STK17B: variants seen among roughly 807,000 people sequenced by gnomAD.
STK17B encodes serine/threonine-protein kinase 17B.
STK17B carries 21 observed loss-of-function variants against 42.0 expected under a neutral mutation model. The observed-to-expected ratio is 0.50, with a 90% CI of 0.35 to 0.72. The LOEUF is 0.72. STK17B is among the 30% of genes least tolerant of loss of function. The probability of loss-of-function intolerance (pLI) is 0.00; values close to 1 mark genes in which losing one functional copy is unlikely to be tolerated. For synonymous variants in STK17B, 143 were observed against 148.4 expected, an observed-to-expected ratio of 0.96 and a Z score of 0.26; for missense variants, 349 against 446.0, an observed-to-expected ratio of 0.78 and a Z score of 1.96.
chr2:196,146,139 C>T (rs1316559473), intron 3 of STK17B, 84 bp from the exon 4 acceptor site: 5 of 1,336,292 alleles, frequency 3.7e-6, no homozygotes, highest in Non-Finnish European at 5.0e-6. Context: ...AAGTAAAAGA[C>T]ATACAACTAT....
At chr2:196,141,967 C>G (rs867297954) in intron 5 of STK17B, among the ~76,000 whole-genome samples, 1 of 152,102 alleles carries the variant, frequency 6.6e-6, no homozygotes, top group African/African-American at 2.4e-5. Flanking sequence ...GCATTATTTT[C>G]TTAGATTAAT....
At chr2:196,149,728 A>T (rs1182443943) in intron 3 of STK17B, among the ~76,000 whole-genome samples, 1 of 152,228 alleles carries the variant, frequency 6.6e-6, no homozygotes, top group African/African-American at 2.4e-5. Flanking sequence ...GCACAGACCA[A>T]AAAATAAGAA....
chr2:196,164,906 T>C (rs1206439984), intron 1 of STK17B, among the ~76,000 whole-genome samples: 1 of 152,214 alleles, frequency 6.6e-6, no homozygotes, highest in Non-Finnish European at 1.5e-5. Flanking sequence ...CTAACTAGTT[T>C]TGGGGTACAT....
intron 5 of STK17B, 142 bp from the exon 6 acceptor site, chr2:196,141,439 C>A: frequency 1.6e-6 from 1 of 624,602 alleles, no homozygotes; most frequent in Non-Finnish European, 2.8e-6. Context: ...GCAGGCAGAT[C>A]ACCTGAGATC....
rs140675475 is a variant in STK17B at position 196,163,378 on chromosome 2, C to T, written c.6G>A (p.Ser2=). The stretch of plus-strand genomic sequence containing the variant: ...TACTTCGGCAATCAAATCTCCTCCT[C>T]GACATGTTAGGTGATTCCCAGGTCT... M[S]RRRFDCRSIS... The change falls in exon 2 of 8, where the codon TCG becomes TCA. Residue 2 remains serine (S), a synonymous_variant. Coordinates refer to ENST00000263955, the MANE Select transcript of STK17B (RefSeq NM_004226.4). 1.1e-4 allele frequency: 179 copies of T among 1,592,540 alleles called. No individual in the cohort carries two copies. The highest frequency in any genetic ancestry group is 2.0e-4 in the Middle Eastern group (1 of 5,046).
chr2:196,169,940 T>C (rs1313608779), intron 1 of STK17B, among the ~76,000 whole-genome samples: 2 of 151,828 alleles, frequency 1.3e-5, no homozygotes, highest in Non-Finnish European at 2.9e-5. Flanking sequence ...AAATAAAACA[T>C]CTATTAATAC....
rs1322041755 is a variant in STK17B, at chr2:196,135,000, T to G, written c.*2447A>C. On this transcript the variant is annotated 3_prime_UTR_variant, in exon 8 of 8. Transcript: ENST00000263955. The stretch of plus-strand genomic sequence containing the variant: ...AAAGAGTGGATTTTTATATTCTTTG[T>G]GCAATCACTAGTTGCTTTTTTACTA... 1 of 152,218 alleles carries G rather than the reference T, an allele frequency of 6.6e-6. No individual in the cohort carries two copies. The highest frequency in any genetic ancestry group is 1.5e-5 in the Non-Finnish European group (1 of 68,034). The allele number at this position is 152,218 out of a possible 1,614,324, so 9.4% of individuals were successfully genotyped here. A position where few individuals can be genotyped will look rare whatever the true frequency, so the allele number is the denominator to read the frequency against.
intron 3 of STK17B, among the ~76,000 whole-genome samples, chr2:196,152,773 G>A (rs996842082): frequency 2.0e-5 from 3 of 152,122 alleles, no homozygotes; most frequent in Admixed American, 2.0e-4. Flanking sequence ...ATACAAGTTT[G>A]CTTATATATG....
intron 3 of STK17B, among the ~76,000 whole-genome samples, chr2:196,146,340 C>G (rs538930299): frequency 6.6e-6 from 1 of 151,942 alleles, no homozygotes; most frequent in Non-Finnish European, 1.5e-5. Context: ...AACATCTCTA[C>G]TAAAAACACA....
chr2:196,139,587 T>C (rs1699462894), intron 7 of STK17B, 33 bp downstream of exon 7: 1 of 1,287,030 alleles, frequency 7.8e-7, no homozygotes, highest in Non-Finnish European at 1.0e-6. Flanking sequence ...ACAAATTAAA[T>C]TTGTAATAGT....
At chr2:196,171,604 T>A (rs1356518864), upstream of STK17B, 9 of 151,694 alleles carry the variant, frequency 5.9e-5, no homozygotes, top group Non-Finnish European at 1.5e-5. Flanking sequence ...GTCTGGGGCA[T>A]CGCCGTTCGC....
At chr2:196,157,880 T>C (rs946212973) in intron 2 of STK17B, among the ~76,000 whole-genome samples, 1 of 152,178 alleles carries the variant, frequency 6.6e-6, no homozygotes, top group Non-Finnish European at 1.5e-5. Context: ...GGGAAATTAA[T>C]AAAAGCTATT....
chr2:196,140,522 A>G (rs1158132873), intron 6 of STK17B, among the ~76,000 whole-genome samples: 3 of 150,644 alleles, frequency 2.0e-5, no homozygotes, highest in Non-Finnish European at 4.4e-5. Context: ...TCATAAAAGT[A>G]CATTTTTGGG....
At chr2:196,169,185 T>C (rs1236113789) in intron 1 of STK17B, among the ~76,000 whole-genome samples, 1 of 151,160 alleles carries the variant, frequency 6.6e-6, no homozygotes, top group Non-Finnish European at 1.5e-5. Flanking sequence ...AAGCAACTCT[T>C]CTGCCTCAGC....
chr2:196,148,504 T>C (rs1207588616), intron 3 of STK17B, among the ~76,000 whole-genome samples: 1 of 152,204 alleles, frequency 6.6e-6, no homozygotes, highest in African/African-American at 2.4e-5. Context: ...AAGAACACTT[T>C]AGATTCTCTT....
intron 5 of STK17B, among the ~76,000 whole-genome samples, chr2:196,142,196 C>T (rs1029627626): frequency 7.2e-5 from 11 of 152,110 alleles, no homozygotes; most frequent in Non-Finnish European, 1.3e-4. Context: ...GTAGGTGGGA[C>T]TACAGGCATG....
intron 1 of STK17B, among the ~76,000 whole-genome samples, chr2:196,163,769 G>A (rs1323020728): frequency 6.6e-6 from 1 of 152,110 alleles, no homozygotes. Context: ...TGGACATGGT[G>A]GTATACGCCT....
chr2:196,165,847 C>CA (rs1366332237), intron 1 of STK17B: 1 of 152,252 alleles, frequency 6.6e-6, no homozygotes, highest in African/African-American at 2.4e-5. Flanking sequence ...ACATTCTACC[C>CA]AAAAATACTC....
intron 5 of STK17B, among the ~76,000 whole-genome samples, chr2:196,142,044 T>C (rs1699501674): frequency 6.6e-6 from 1 of 152,208 alleles, no homozygotes; most frequent in South Asian, 2.1e-4. Context: ...CAAATTTTGC[T>C]TCTCGGAAAT....
Sources: gnomAD v4.1 joint callset for allele counts (sites outside exome capture counted in the v4.1 genomes callset) on GRCh38, gnomAD v4.1.1 for gene constraint, MANE v1.5 for transcripts, NCBI Gene and HGNC (gene_info 2026-07-23, HGNC 2026-07-21) for gene names.